ATAD2B: variants seen among roughly 807,000 people sequenced by gnomAD.
ATAD2B encodes the protein ATPase family AAA domain containing 2B.
A neutral mutation model predicts 167.6 loss-of-function variants in ATAD2B; 40 were observed. The observed-to-expected ratio is 0.24, with a 90% CI of 0.19 to 0.31. ATAD2B has a LOEUF of 0.31. Ranked by LOEUF, ATAD2B falls within the 10% of genes least tolerant of loss-of-function variation. The pLI is 1.00. For synonymous variants in ATAD2B, 579 were observed against 596.5 expected, an observed-to-expected ratio of 0.97 and a Z score of 0.43; for missense variants, 1,242 against 1,757.2, an observed-to-expected ratio of 0.71 and a Z score of 5.24.
intron 3 of ATAD2B, 61 bp from the exon 4 acceptor site, chr2:23,888,046 A>G: frequency 7.5e-7 from 1 of 1,328,946 alleles, no homozygotes; most frequent in Non-Finnish European, 9.8e-7. Context: ...GAAAAGAAAA[A>G]AAAAATCAAA....
chr2:23,834,154 T>G, intron 13 of ATAD2B, 76 bp from the exon 14 acceptor site: 1 of 448,536 alleles, frequency 2.2e-6, no homozygotes, highest in Non-Finnish European at 3.1e-6. Flanking sequence ...CAGTCTTTCT[T>G]TTTTTTTTTT....
At chr2:23,880,962 T>C (rs1324446014) in intron 6 of ATAD2B, among the ~76,000 whole-genome samples, 1 of 152,210 alleles carries the variant, frequency 6.6e-6, no homozygotes, top group Admixed American at 6.5e-5. Context: ...CAATGATCAA[T>C]ACAATTATCT....
intron 7 of ATAD2B, among the ~76,000 whole-genome samples, chr2:23,880,276 T>C (rs1014063809): frequency 3.3e-5 from 5 of 152,164 alleles, no homozygotes; most frequent in African/African-American, 1.2e-4. Context: ...GAAGTATATG[T>C]AGTAAAAAAA....
chr2:23,822,889 C>A (rs1046707121), intron 16 of ATAD2B, among the ~76,000 whole-genome samples: 14 of 130,146 alleles, frequency 1.1e-4, no homozygotes, highest in African/African-American at 4.2e-4. Flanking sequence ...TACACTCCAG[C>A]CTGGGCAACA....
At chr2:23,720,170 A>G in the ATAD2B span, among the ~76,000 whole-genome samples, 1 of 152,224 alleles carries the variant, frequency 6.6e-6, no homozygotes, top group Non-Finnish European at 1.5e-5. Context: ...CATTCTTCCC[A>G]CAAGAAAGGG....
At chr2:23,802,420 T>C (rs952198982) in intron 18 of ATAD2B, among the ~76,000 whole-genome samples, 1 of 152,040 alleles carries the variant, frequency 6.6e-6, no homozygotes. Context: ...CAGGATTCAA[T>C]AAATAAGGTA....
chr2:23,859,140 T>A (rs896819951), intron 12 of ATAD2B, among the ~76,000 whole-genome samples: 2 of 152,178 alleles, frequency 1.3e-5, no homozygotes, highest in Non-Finnish European at 2.9e-5. Context: ...GCTAATTTTT[T>A]AGGATAAAGA....
rs1438396215 is a variant in ATAD2B, at chr2:23,871,692, A to C, written c.978-1931T>G. Among the ~76,000 whole-genome samples the C allele has an allele frequency of 3.9e-5, 6 of 152,172 alleles. No homozygotes were observed. The East Asian group carries it at 1.2e-3, about 29-fold the overall frequency. On this transcript the variant is annotated intron_variant, in intron 8 of 27. Coordinates refer to ENST00000238789, the MANE Select transcript of ATAD2B (RefSeq NM_017552.4). ...TTTACTTCAAGCACAAATAGCCTTC[A>C]AAGATGTCCCAAAATCTGTGCATCA... is the stretch of plus-strand genomic sequence containing the variant.
intron 22 of ATAD2B, among the ~76,000 whole-genome samples, chr2:23,777,348 A>ATATATCTATATCTATATC (rs71402507): frequency 0.037 from 5,386 of 146,292 alleles, 134 homozygotes; most frequent in East Asian, 0.081. Context: ...CATAATACTG[A>ATATATCTATATCTATATC]TATATCTATA....
At chr2:23,703,246 T>C in the ATAD2B span, 3 of 1,542,706 alleles carry the variant, frequency 1.9e-6, no homozygotes, top group Admixed American at 4.0e-5. Context: ...CAGTACACTC[T>C]GCTGCAGCCA....
chr2:23,683,482 C>T, the ATAD2B span, among the ~76,000 whole-genome samples: 1 of 152,250 alleles, frequency 6.6e-6, no homozygotes, highest in Non-Finnish European at 1.5e-5. Flanking sequence ...GCAACCCCAA[C>T]AGGGTGACTG....
intron 13 of ATAD2B, among the ~76,000 whole-genome samples, chr2:23,852,932 A>AC (rs1378401360): frequency 6.6e-6 from 1 of 152,108 alleles, no homozygotes; most frequent in African/African-American, 2.4e-5. Flanking sequence ...AAAAAAAAAA[A>AC]AATCTAAAAT....
chr2:23,760,751 TACACAC>T (rs202241182), intron 24 of ATAD2B, among the ~76,000 whole-genome samples: 3 of 100,342 alleles, frequency 3.0e-5, no homozygotes, highest in African/African-American at 6.8e-5. Context: ...CACACACACA[TACACAC>T]ACACACACAC....
Position 23,751,804 on chromosome 2 carries a change from G to A in ATAD2B, c.*242C>T, listed in dbSNP as rs1675383155. ...GTAGCACCAAAATCTCCAAGCTGTG[G>A]GGTTGTATTTTTTATTTGTGGAAAA... On this transcript the variant is annotated 3_prime_UTR_variant, in exon 28 of 28. Coordinates refer to ENST00000238789, the MANE Select transcript of ATAD2B (RefSeq NM_017552.4). 1 of 506,406 alleles carries A rather than the reference G, an allele frequency of 2.0e-6. No homozygotes were observed. 31.4% of individuals were successfully genotyped at this position (506,406 alleles called of 1,614,324 possible).
chr2:23,678,190 G>C, the ATAD2B span, among the ~76,000 whole-genome samples: 1 of 152,174 alleles, frequency 6.6e-6, no homozygotes, highest in Non-Finnish European at 1.5e-5. Flanking sequence ...TCTGTTTGTG[G>C]CTTCACTCTC....
chr2:23,924,055 C>T (rs1379437021), intron 1 of ATAD2B, among the ~76,000 whole-genome samples: 1 of 151,810 alleles, frequency 6.6e-6, no homozygotes, highest in East Asian at 1.9e-4. Context: ...TGGTGGCGGG[C>T]GCCTGTAGTC....
At chr2:23,745,522 T>C (rs750558930), downstream of ATAD2B, among the ~76,000 whole-genome samples, 9 of 152,048 alleles carry the variant, frequency 5.9e-5, no homozygotes, top group Admixed American at 2.0e-4. Context: ...ACCTTAATGA[T>C]TGATGGGTTA....
At chr2:23,733,272 T>C in the ATAD2B span, among the ~76,000 whole-genome samples, 3 of 152,210 alleles carry the variant, frequency 2.0e-5, no homozygotes, top group Non-Finnish European at 4.4e-5. Flanking sequence ...TTAGTACCTA[T>C]CTTACTGACC....
chr2:23,764,590 C>A (rs1677160976), intron 23 of ATAD2B, among the ~76,000 whole-genome samples: 1 of 152,132 alleles, frequency 6.6e-6, no homozygotes, highest in Non-Finnish European at 1.5e-5. Flanking sequence ...ATTCAAAGTG[C>A]TGATATCCTA....
Sources: gnomAD v4.1 joint callset for allele counts (sites outside exome capture counted in the v4.1 genomes callset) on GRCh38, gnomAD v4.1.1 for gene constraint, MANE v1.5 for transcripts, NCBI Gene and HGNC (gene_info 2026-07-23, HGNC 2026-07-21) for gene names.